The following CYP2R1 variants were observed in gnomAD, a reference collection of about 807,000 sequenced individuals.
CYP2R1 encodes the protein vitamin D 25-hydroxylase.
Under a neutral mutation model 45.7 loss-of-function variants are expected in CYP2R1, and 40 were observed. The ratio of observed to expected loss-of-function variants is 0.87; its 90% CI spans 0.68 to 1.14. The LOEUF is 1.14. Among genes scored for constraint, CYP2R1 ranks in the 50% most tolerant of loss-of-function variants. The pLI, the probability that CYP2R1 is intolerant of heterozygous loss-of-function variation, is 0.00. For missense variants in CYP2R1, 605 were observed against 602.6 expected (o/e 1.00, Z -0.04); for synonymous variants, 234 against 219.3 (o/e 1.07, Z -0.59).
chr11:14,883,599 A>G (rs1432798537), intron 2 of CYP2R1, among the ~76,000 whole-genome samples: 73 of 152,242 alleles, frequency 4.8e-4, no homozygotes, highest in Non-Finnish European at 1.9e-4. Flanking sequence ...AAACCTAGGC[A>G]TTACCATTCA....
chr11:14,890,004 C>T (rs1197135103), intron 1 of CYP2R1, among the ~76,000 whole-genome samples: 1 of 152,016 alleles, frequency 6.6e-6, no homozygotes, highest in Non-Finnish European at 1.5e-5. Flanking sequence ...TGGCGAGCAC[C>T]TGTGGTCCCA....
chr11:14,891,758 G>C (rs1555017114), intron 1 of CYP2R1: 1 of 1,377,546 alleles, frequency 7.3e-7, no homozygotes, highest in Non-Finnish European at 9.4e-7. Context: ...CCTCGGCCCG[G>C]AGTGGGTCAC....
chr11:14,878,000 C>G lies in CYP2R1; in HGVS notation c.*122G>C. The G allele has an allele frequency of 1.0e-6, 1 of 986,954 alleles. No individual in the cohort carries two copies. Among genetic ancestry groups the G allele is most frequent in the South Asian group, 1.5e-5 (1 of 64,688 alleles). The allele number at this position is 986,954 out of a possible 1,614,324, so 61.1% of individuals were successfully genotyped here. ...GCTCTAGTACTATTTTAAGACACAT[C>G]TGTGTTCATTTGGCTTTTTGATGCT... On this transcript the variant is annotated 3_prime_UTR_variant, in exon 5 of 5. Transcript: ENST00000334636.
intron 1 of CYP2R1, among the ~76,000 whole-genome samples, chr11:14,890,135 AAAAG>A (rs1281262849): frequency 3.3e-5 from 5 of 152,256 alleles, no homozygotes; most frequent in Admixed American, 1.3e-4. Flanking sequence ...CTCAAATAAA[AAAAG>A]AAAGAAACTA....
intron 1 of CYP2R1, 29 bp downstream of exon 1, chr11:14,891,952 T>C: frequency 6.2e-7 from 1 of 1,607,848 alleles, no homozygotes; most frequent in Non-Finnish European, 8.5e-7. Context: ...CTGGCGGCCC[T>C]CCCTGCCCGG....
chr11:14,881,197 T>C (rs1424919238), intron 2 of CYP2R1, among the ~76,000 whole-genome samples: 2 of 152,098 alleles, frequency 1.3e-5, no homozygotes, highest in Non-Finnish European at 2.9e-5. Flanking sequence ...TAAAAGAGAA[T>C]GGATTTTAGA....
rs138945380 is a variant in CYP2R1, at chr11:14,885,853, T to C, written c.290A>G (p.Glu97Gly). 8 of 1,613,486 alleles carry C rather than the reference T, an allele frequency of 5.0e-6. No individual in the cohort carries two copies. In the African/African-American group the frequency reaches 1.1e-4, roughly 22 times the overall value. ...AATTTCGCTTTGATGAACAAGGCATTCCTTTACTACATCATAGCCATTTAG... is the reference window on the plus strand; with the variant it reads ...AATTTCGCTTTGATGAACAAGGCATCCCTTTACTACATCATAGCCATTTAG... The part of the protein sequence containing the change: ...VVLNGYDVVK[E>G]CLVHQSEIFA... Residue 97 changes from glutamate (E) to glycine (G), a missense_variant, in exon 2 of 5, where the codon GAA becomes GGA. By Grantham distance (98) the Glu-to-Gly change is moderately conservative. Transcript: ENST00000334636.
intron 2 of CYP2R1, among the ~76,000 whole-genome samples, chr11:14,884,616 G>A (rs1565183271): frequency 6.6e-6 from 1 of 151,362 alleles, no homozygotes; most frequent in African/African-American, 2.4e-5. Flanking sequence ...TACCAGCATG[G>A]CACATGTATA....
At chr11:14,882,253 A>G (rs146778137) in intron 2 of CYP2R1, among the ~76,000 whole-genome samples, 139 of 152,278 alleles carry the variant, frequency 9.1e-4, no homozygotes, top group African/African-American at 3.1e-3. Flanking sequence ...CACTAGTAGG[A>G]AAGACAGACA....
In CYP2R1 at chr11:14,879,246, C is replaced by T. The variant is rs781894161; in HGVS notation, c.1198G>A (p.Val400Ile). ...TGTACAGAATAAAGATTTGTAATTA[C>T]TGTTGTGCCTTTAGGAATGGAATAA... ...RGYSIPKGTT[V>I]ITNLYSVHFD... Residue 400 changes from valine (V) to isoleucine (I), a missense_variant, in exon 4 of 5, where the codon GTA (valine) becomes ATA (isoleucine). By Grantham distance (29) the Val-to-Ile change is conservative. Transcript: ENST00000334636. The T allele has an allele frequency of 1.2e-6, 2 of 1,613,252 alleles. No homozygotes were observed. Among genetic ancestry groups the T allele is most frequent in the South Asian group, 2.2e-5 (2 of 91,068 alleles).
intron 4 of CYP2R1, among the ~76,000 whole-genome samples, chr11:14,878,562 A>G (rs1297405331): frequency 3.3e-5 from 5 of 152,124 alleles, no homozygotes; most frequent in African/African-American, 1.2e-4. Context: ...GCTGCAACAG[A>G]GCCTAAGATA....
intron 1 of CYP2R1, among the ~76,000 whole-genome samples, chr11:14,889,210 A>G (rs1214718112): frequency 6.6e-6 from 1 of 151,502 alleles, no homozygotes; most frequent in South Asian, 2.1e-4. Context: ...TTTAAAAGAC[A>G]GTGGAAAACT....
chr11:14,886,870 A>T (rs993630670), intron 1 of CYP2R1: 1 of 152,300 alleles, frequency 6.6e-6, no homozygotes, highest in Non-Finnish European at 1.5e-5. Context: ...GCAGAAAGTT[A>T]TATCAGCAAA....
chr11:14,887,376 C>G (rs1555015031), intron 1 of CYP2R1: 1 of 153,622 alleles, frequency 6.5e-6, no homozygotes, highest in African/African-American at 2.4e-5. Context: ...CTGAAATAGT[C>G]CTCTATTTGA....
rs148726480 is a variant in CYP2R1 at position 14,879,207 on chromosome 11, A to T, written c.1237T>A (p.Tyr413Asn). 1 of 1,613,170 alleles carries T rather than the reference A, an allele frequency of 6.2e-7. No homozygotes were observed. The highest frequency in any genetic ancestry group is 1.3e-5 in the African/African-American group (1 of 74,884). Residue 413 changes from tyrosine to asparagine, a missense_variant, in exon 4 of 5, where the codon TAC (tyrosine) becomes AAC (asparagine). Physicochemically the swap from Tyr to Asn is moderately radical, Grantham distance 143. Coordinates refer to ENST00000334636, the MANE Select transcript of CYP2R1 (RefSeq NM_024514.5). ...NLYSVHFDEK[Y>N]WRDPEVFHPE... ...TGGAACACTTCTGGGTCTCTCCAGTACTTTTCATCAAAGTGTACAGAATAA... is the reference window on the plus strand; with the variant it reads ...TGGAACACTTCTGGGTCTCTCCAGTTCTTTTCATCAAAGTGTACAGAATAA...
Position 14,879,265 on chromosome 11 carries a change from G to A in CYP2R1, c.1179C>T (p.Ser393=). 6.2e-7 allele frequency: 1 copy of A among 1,613,182 alleles called. No individual in the cohort carries two copies. The highest frequency in any genetic ancestry group is 8.5e-7 in the Non-Finnish European group (1 of 1,179,490). The change falls in exon 4 of 5, where the codon TCC becomes TCT. Residue 393 remains serine, a synonymous_variant. Transcript: ENST00000334636. ...TSEDAVVRGY[S]IPKGTTVITN... is the part of the protein sequence containing the mutation. ...TAATTACTGTTGTGCCTTTAGGAATGGAATAACCACGTACAACTGCATCTT... is the reference window on the plus strand; with the variant it reads ...TAATTACTGTTGTGCCTTTAGGAATAGAATAACCACGTACAACTGCATCTT...
chr11:14,880,122 A>G lies in CYP2R1; in HGVS notation c.1000+14T>C. On this transcript the variant is annotated intron_variant, in intron 3 of 4. Transcript: ENST00000334636. Reference sequence around the variant, plus strand: ...TGTAAGGATAGACCCTGAGATCATCAAGAGAATCCTCACCTTGAATATTAG... The same window carrying G: ...TGTAAGGATAGACCCTGAGATCATCGAGAGAATCCTCACCTTGAATATTAG... 6.2e-7 allele frequency: 1 copy of G among 1,612,212 alleles called. No individual in the cohort carries two copies. Among genetic ancestry groups the G allele is most frequent in the Non-Finnish European group, 8.5e-7 (1 of 1,178,808 alleles).
chr11:14,888,203 T>C (rs1848692238), intron 1 of CYP2R1, among the ~76,000 whole-genome samples: 1 of 152,208 alleles, frequency 6.6e-6, no homozygotes, highest in Non-Finnish European at 1.5e-5. Context: ...GAATATATTA[T>C]ATAATTTACT....
In CYP2R1 at chr11:14,877,694, C is replaced by G; in HGVS notation, c.*428G>C. The G allele has an allele frequency of 6.4e-6, 1 of 156,702 alleles. No individual in the cohort carries two copies. Among genetic ancestry groups the G allele is most frequent in the Non-Finnish European group, 1.4e-5 (1 of 71,340 alleles). The allele number at this position is 156,702 out of a possible 1,614,324, so 9.7% of individuals were successfully genotyped here. A position where few individuals can be genotyped will look rare whatever the true frequency, so the allele number is the denominator to read the frequency against. On this transcript the variant is annotated 3_prime_UTR_variant, in exon 5 of 5. Coordinates refer to ENST00000334636, the MANE Select transcript of CYP2R1 (RefSeq NM_024514.5). ...TTGTGTTTTAATTTCTTCTGTAGTCCTCTATTAAACTGGACTGGTACCACA... is the reference window on the plus strand; with the variant it reads ...TTGTGTTTTAATTTCTTCTGTAGTCGTCTATTAAACTGGACTGGTACCACA...
Sources: gnomAD v4.1 joint callset for allele counts (sites outside exome capture counted in the v4.1 genomes callset) on GRCh38, gnomAD v4.1.1 for gene constraint, MANE v1.5 for transcripts, NCBI Gene and HGNC (gene_info 2026-07-23, HGNC 2026-07-21) for gene names.